The following HS6ST3 variants were observed in gnomAD, a reference collection of about 807,000 sequenced individuals.
The protein encoded by HS6ST3 is heparan-sulfate 6-O-sulfotransferase 3.
HS6ST3 carries 12 observed loss-of-function variants against 36.7 expected under a neutral mutation model. The observed-to-expected ratio is 0.33, with a 90% confidence interval of 0.21 to 0.53. The LOEUF is 0.53. Ranked by LOEUF, HS6ST3 falls within the 20% of genes least tolerant of loss-of-function variation. The pLI, the probability that HS6ST3 is intolerant of heterozygous loss-of-function variation, is 0.95. For synonymous variants in HS6ST3, 240 were observed against 257.5 expected, an observed-to-expected ratio of 0.93 and a Z score of 0.65; for missense variants, 584 against 640.9, an observed-to-expected ratio of 0.91 and a Z score of 0.96.
chr13:96,318,860 T>C (rs2054989987), intron 1 of HS6ST3, among the ~76,000 whole-genome samples: 1 of 152,204 alleles, frequency 6.6e-6, no homozygotes, highest in African/African-American at 2.4e-5. Context: ...AGGTCCAAGT[T>C]CTAACAATGA....
chr13:96,684,482 A>G (rs532760399), intron 1 of HS6ST3, among the ~76,000 whole-genome samples: 2 of 152,186 alleles, frequency 1.3e-5, no homozygotes, highest in Admixed American at 6.6e-5. Flanking sequence ...ACTTATGTGT[A>G]TAATTTTAGA....
chr13:96,785,219 G>A (rs986079852), intron 1 of HS6ST3, among the ~76,000 whole-genome samples: 15 of 152,080 alleles, frequency 9.9e-5, no homozygotes, highest in Admixed American at 4.6e-4. Context: ...TCCAAAAAGA[G>A]CCTCCTGGCA....
At chr13:96,491,340 A>G (rs2055944366) in intron 1 of HS6ST3, among the ~76,000 whole-genome samples, 2 of 152,056 alleles carry the variant, frequency 1.3e-5, no homozygotes, top group Non-Finnish European at 2.9e-5. Context: ...GTCGGAGGGA[A>G]TCAGGGACAC....
intron 1 of HS6ST3, among the ~76,000 whole-genome samples, chr13:96,334,892 A>G (rs1189393206): frequency 2.0e-5 from 3 of 152,324 alleles, no homozygotes; most frequent in East Asian, 3.9e-4. Flanking sequence ...ATGGACTAAC[A>G]CATAGGTATA....
At chr13:96,097,969 C>G (rs1189786392) in intron 1 of HS6ST3, among the ~76,000 whole-genome samples, 1 of 152,152 alleles carries the variant, frequency 6.6e-6, no homozygotes, top group East Asian at 1.9e-4. Context: ...ATTTCAGGTG[C>G]AAATTCTGAT....
At chr13:96,738,236 C>G (rs1171480755) in intron 1 of HS6ST3, among the ~76,000 whole-genome samples, 1 of 152,210 alleles carries the variant, frequency 6.6e-6, no homozygotes, top group Non-Finnish European at 1.5e-5. Flanking sequence ...CTGATGTAAG[C>G]TTTCTGCATG....
chr13:96,571,942 C>T (rs2056302379), intron 1 of HS6ST3, among the ~76,000 whole-genome samples: 1 of 152,128 alleles, frequency 6.6e-6, no homozygotes, highest in Non-Finnish European at 1.5e-5. Flanking sequence ...TACCATGCAC[C>T]GTGTGCTTTA....
intron 1 of HS6ST3, among the ~76,000 whole-genome samples, chr13:96,243,625 C>A (rs1339317211): frequency 6.6e-6 from 1 of 152,084 alleles, no homozygotes; most frequent in Non-Finnish European, 1.5e-5. Flanking sequence ...TCGTGAGCAT[C>A]CTGGGGGTGG....
chr13:96,139,567 A>AAAAAAAAAAAAAAAAAAAAAAT (rs1491242538), intron 1 of HS6ST3, among the ~76,000 whole-genome samples: 3 of 138,694 alleles, frequency 2.2e-5, no homozygotes, highest in African/African-American at 8.4e-5. Context: ...AAAAAAAAAA[A>AAAAAAAAAAAAAAAAAAAAAAT]TCCATGTATA....
intron 1 of HS6ST3, among the ~76,000 whole-genome samples, chr13:96,101,163 A>G (rs1429683835): frequency 1.3e-5 from 2 of 152,184 alleles, no homozygotes; most frequent in East Asian, 3.9e-4. Flanking sequence ...ACAGTAGACA[A>G]CACACATTTT....
chr13:96,529,599 A>G (rs2056127748), intron 1 of HS6ST3, among the ~76,000 whole-genome samples: 2 of 152,130 alleles, frequency 1.3e-5, no homozygotes, highest in African/African-American at 2.4e-5. Context: ...TCTTTTTATT[A>G]TAAACTTTTT....
chr13:96,815,851 A>T (rs1220737990), intron 1 of HS6ST3, among the ~76,000 whole-genome samples: 1 of 152,202 alleles, frequency 6.6e-6, no homozygotes, highest in Non-Finnish European at 1.5e-5. Flanking sequence ...AAACTTGACT[A>T]GATATGCTGT....
At chr13:96,532,693 T>A (rs887428614) in intron 1 of HS6ST3, among the ~76,000 whole-genome samples, 1 of 152,200 alleles carries the variant, frequency 6.6e-6, no homozygotes, top group Admixed American at 6.5e-5. Flanking sequence ...GGAACCTGGT[T>A]GTCTACCTAA....
intron 1 of HS6ST3, among the ~76,000 whole-genome samples, chr13:96,574,841 T>TGATCCAC (rs1168594478): frequency 2.0e-5 from 3 of 152,164 alleles, no homozygotes; most frequent in African/African-American, 7.2e-5. Flanking sequence ...CTGGAATTGA[T>TGATCCAC]GATCCACGAG....
At chr13:96,768,918 G>A (rs1258793515) in intron 1 of HS6ST3, among the ~76,000 whole-genome samples, 1 of 152,018 alleles carries the variant, frequency 6.6e-6, no homozygotes, top group African/African-American at 2.4e-5. Context: ...AAAGATTCCT[G>A]GGCTAGACCC....
intron 1 of HS6ST3, among the ~76,000 whole-genome samples, chr13:96,697,586 C>A (rs1344089439): frequency 6.6e-6 from 1 of 152,064 alleles, no homozygotes; most frequent in South Asian, 2.1e-4. Context: ...TTTCAGACCA[C>A]CAGAAATTTT....
intron 1 of HS6ST3, among the ~76,000 whole-genome samples, chr13:96,698,599 A>G (rs551400160): frequency 6.6e-6 from 1 of 152,330 alleles, no homozygotes; most frequent in Admixed American, 6.5e-5. Context: ...TTGATCAATA[A>G]AATGAGAGGA....
intron 1 of HS6ST3, among the ~76,000 whole-genome samples, chr13:96,829,152 A>G (rs978097608): frequency 2.6e-5 from 4 of 152,082 alleles, no homozygotes; most frequent in African/African-American, 9.7e-5. Context: ...AATCAATGTT[A>G]AATTTTCTTA....
intron 1 of HS6ST3, among the ~76,000 whole-genome samples, chr13:96,410,196 T>C (rs1407668651): frequency 6.6e-6 from 1 of 152,080 alleles, no homozygotes; most frequent in Non-Finnish European, 1.5e-5. Context: ...GAAAAGCAAA[T>C]GGCAAACTCT....
Sources: allele counts gnomAD v4.1 joint callset (sites outside exome capture counted in the v4.1 genomes callset), GRCh38; gene constraint gnomAD v4.1.1; transcripts MANE v1.5; gene names NCBI Gene and HGNC (gene_info 2026-07-23, HGNC 2026-07-21).